The following CAMK2D variants were observed in gnomAD, a reference collection of about 807,000 sequenced individuals.
The protein encoded by CAMK2D is calcium/calmodulin-dependent protein kinase type II subunit delta.
In CAMK2D, 37 loss-of-function variants were observed where a neutral mutation model predicts 84.0. The observed-to-expected ratio is 0.44, with a 90% CI of 0.34 to 0.58. The LOEUF (loss-of-function observed/expected upper bound fraction) is 0.58, where lower values mean the gene tolerates loss of function less well. Among genes scored for constraint, CAMK2D ranks in the 20% least tolerant of loss-of-function variants. CAMK2D has a pLI of 0.02. For synonymous variants in CAMK2D, 202 were observed against 212.5 expected (o/e 0.95, Z 0.43); for missense variants, 448 against 652.5 (o/e 0.69, Z 3.41).
rs1592209163 is a variant in CAMK2D at position 113,631,251 on chromosome 4, G to C, written c.221-22045C>G. Among the ~76,000 whole-genome samples the C allele has an allele frequency of 5.9e-5, 9 of 152,264 alleles. No individual in the cohort carries two copies. In the South Asian group the frequency reaches 1.9e-3, roughly 32 times the overall value. On this transcript the variant is annotated intron_variant, in intron 3 of 20. Coordinates refer to ENST00000511664, the MANE Select transcript of CAMK2D (RefSeq NM_001321571.2). ...TTGTAGACTGAATATGGTGGCTCAT[G>C]CTTGTAATCCTAGCACCTTTGGAGG...
At chr4:113,627,325 T>G (rs764378217) in intron 3 of CAMK2D, among the ~76,000 whole-genome samples, 2 of 152,154 alleles carry the variant, frequency 1.3e-5, no homozygotes, top group Non-Finnish European at 2.9e-5. Flanking sequence ...TACAGGTGAT[T>G]CTTATTATCT....
chr4:113,559,979 T>C (rs1198082460), intron 4 of CAMK2D, among the ~76,000 whole-genome samples: 3 of 152,264 alleles, frequency 2.0e-5, no homozygotes, highest in East Asian at 1.9e-4. Flanking sequence ...TTCTGGAACA[T>C]TGGGGGTTTC....
At chr4:113,509,766 C>T (rs962188927) in intron 12 of CAMK2D, 91 bp from the exon 13 acceptor site, 6 of 901,166 alleles carry the variant, frequency 6.7e-6, no homozygotes, top group Non-Finnish European at 1.1e-5. Flanking sequence ...CTCCTTCTAC[C>T]ACCTTTGCTG....
chr4:113,734,088 G>A (rs1013855767), intron 2 of CAMK2D, among the ~76,000 whole-genome samples: 2 of 151,368 alleles, frequency 1.3e-5, no homozygotes, highest in African/African-American at 4.9e-5. Flanking sequence ...AAATTCTCTT[G>A]TTGAAAAAAC....
chr4:113,478,499 GCTT>G (rs887119827), intron 16 of CAMK2D, among the ~76,000 whole-genome samples: 1 of 152,138 alleles, frequency 6.6e-6, no homozygotes, highest in Non-Finnish European at 1.5e-5. Context: ...TGAGTGAAGA[GCTT>G]CTATTTCTTG....
intron 4 of CAMK2D, among the ~76,000 whole-genome samples, chr4:113,583,714 TATAAA>T (rs1368372467): frequency 6.6e-6 from 1 of 152,220 alleles, no homozygotes; most frequent in Non-Finnish European, 1.5e-5. Flanking sequence ...CAGTTACCCT[TATAAA>T]AGACAAGGGT....
intron 2 of CAMK2D, among the ~76,000 whole-genome samples, chr4:113,688,378 T>C (rs531745975): frequency 1.8e-3 from 276 of 152,326 alleles, no homozygotes; most frequent in African/African-American, 6.3e-3. Context: ...GAAAATAAAA[T>C]AGCTTTTCAT....
At chr4:113,602,499 CA>C (rs1391516199) in intron 4 of CAMK2D, among the ~76,000 whole-genome samples, 1 of 152,216 alleles carries the variant, frequency 6.6e-6, no homozygotes, top group Non-Finnish European at 1.5e-5. Context: ...CCAGGGAAGG[CA>C]GAAGTTAGTG....
intron 2 of CAMK2D, among the ~76,000 whole-genome samples, chr4:113,724,005 G>A (rs778156307): frequency 4.6e-5 from 7 of 151,838 alleles, no homozygotes; most frequent in Admixed American, 3.9e-4. Flanking sequence ...TACGTATTAC[G>A]TTAATAAAAT....
chr4:113,632,313 T>C (rs111701800), intron 3 of CAMK2D, among the ~76,000 whole-genome samples: 7,169 of 152,082 alleles, frequency 0.047, 483 homozygotes, highest in African/African-American at 0.14. Flanking sequence ...AACCTCTGTC[T>C]CCTGGGTTTA....
chr4:113,620,247 C>T (rs2099039918), intron 3 of CAMK2D, among the ~76,000 whole-genome samples: 2 of 152,046 alleles, frequency 1.3e-5, no homozygotes, highest in Admixed American at 1.3e-4. Context: ...ACAGCCAACA[C>T]CTCCAGGTGC....
chr4:113,558,944 T>C (rs2098685236), intron 4 of CAMK2D, among the ~76,000 whole-genome samples: 1 of 152,104 alleles, frequency 6.6e-6, no homozygotes, highest in African/African-American at 2.4e-5. Context: ...ATCGTACCAC[T>C]GCACTCCAGC....
At chr4:113,474,159 G>C (rs1213846288) in intron 16 of CAMK2D, among the ~76,000 whole-genome samples, 1 of 152,188 alleles carries the variant, frequency 6.6e-6, no homozygotes, top group Non-Finnish European at 1.5e-5. Context: ...GAATACCATT[G>C]AGTATTTCAA....
At chr4:113,706,944 A>G (rs1222072958) in intron 2 of CAMK2D, among the ~76,000 whole-genome samples, 1 of 152,114 alleles carries the variant, frequency 6.6e-6, no homozygotes, top group Non-Finnish European at 1.5e-5. Flanking sequence ...ACATCAAAAT[A>G]TCCTTCATAC....
At chr4:113,517,514 G>A (rs2098300040) in intron 9 of CAMK2D, 49 bp downstream of exon 9, 2 of 846,084 alleles carry the variant, frequency 2.4e-6, no homozygotes, top group Middle Eastern at 2.3e-4. Flanking sequence ...TTGGTCAACA[G>A]GCAAAAGACA....
At chr4:113,614,334 T>C (rs1227029800) in intron 3 of CAMK2D, among the ~76,000 whole-genome samples, 2 of 152,162 alleles carry the variant, frequency 1.3e-5, no homozygotes, top group Non-Finnish European at 2.9e-5. Context: ...GTCAATTACA[T>C]TGGTGGACCC....
intron 8 of CAMK2D, among the ~76,000 whole-genome samples, chr4:113,522,610 C>T (rs2098375990): frequency 6.6e-6 from 1 of 152,152 alleles, no homozygotes; most frequent in African/African-American, 2.4e-5. Flanking sequence ...GGATGAAGGC[C>T]TGCACCTGTA....
At chr4:113,729,610 G>A (rs899864548) in intron 2 of CAMK2D, among the ~76,000 whole-genome samples, 7 of 152,142 alleles carry the variant, frequency 4.6e-5, no homozygotes, top group Admixed American at 2.0e-4. Flanking sequence ...TGGTCTTTCT[G>A]AATCAATTTC....
At chr4:113,476,722 C>T (rs1046507951) in intron 16 of CAMK2D, among the ~76,000 whole-genome samples, 1 of 152,166 alleles carries the variant, frequency 6.6e-6, no homozygotes, top group Non-Finnish European at 1.5e-5. Context: ...CTGGAGGTCA[C>T]AAGATATATA....
Sources: gnomAD v4.1 joint callset for allele counts (sites outside exome capture counted in the v4.1 genomes callset) on GRCh38, gnomAD v4.1.1 for gene constraint, MANE v1.5 for transcripts, NCBI Gene and HGNC (gene_info 2026-07-23, HGNC 2026-07-21) for gene names.